The following MYL6 variants were observed in gnomAD, a reference collection of about 807,000 sequenced individuals.
MYL6 encodes the protein myosin light polypeptide 6.
MYL6 carries 20 observed loss-of-function variants against 20.3 expected under a neutral mutation model. The observed-to-expected ratio is 0.98, with a 90% CI of 0.69 to 1.43. The LOEUF (loss-of-function observed/expected upper bound fraction) is 1.43, where lower values mean the gene tolerates loss of function less well. MYL6 is among the 40% of genes most tolerant of loss of function. The pLI is 0.00. For missense variants in MYL6, 164 were observed against 191.0 expected (o/e 0.86, Z 0.83); for synonymous variants, 77 against 72.4 (o/e 1.06, Z -0.32).
intron 6 of MYL6, 139 bp downstream of exon 6, chr12:56,160,809 G>T (rs1871760064): frequency 1.1e-6 from 1 of 951,392 alleles, no homozygotes; most frequent in East Asian, 2.4e-5. Flanking sequence ...GCTGACTAGG[G>T]AGGGGAGGGA....
rs1026472946 is a variant in MYL6, at chr12:56,161,044, C to T, written c.*17-343C>T. The T allele has an allele frequency of 9.0e-5, 51 of 567,146 alleles. No individual in the cohort carries two copies. In the African/African-American group the frequency reaches 9.2e-4, roughly 10 times the overall value. 35.1% of individuals were successfully genotyped at this position (567,146 alleles called of 1,614,324 possible). A position where few individuals can be genotyped will look rare whatever the true frequency, so the allele number is the denominator to read the frequency against. ...TGCTGCTATAGCTGAACAGTCCTTT[C>T]CCCTTCCCTCGCTGGGCAGCTTGGA... On this transcript the variant is annotated intron_variant, in intron 6 of 6. Transcript: ENST00000550697.
At chr12:56,158,764 C>T (rs1592259629) in intron 2 of MYL6, 53 bp downstream of exon 2, 1 of 1,606,270 alleles carries the variant, frequency 6.2e-7, no homozygotes, top group Non-Finnish European at 8.5e-7. Context: ...GGGACACCCT[C>T]CCCCCAGCAC....
In MYL6 at chr12:56,159,671, T is replaced by C. The variant is rs1323853526; in HGVS notation, c.116T>C (p.Leu39Pro). Residue 39 changes from leucine to proline, a missense_variant, in exon 3 of 7, where the codon CTG (leucine) becomes CCG (proline). Coordinates refer to ENST00000550697, the MANE Select transcript of MYL6 (RefSeq NM_021019.5). ...YSQCGDVMRA[L>P]GQNPTNAEVL... ...CAGTGTGGGGATGTGATGAGGGCCC[T>C]GGGCCAGAACCCTACCAACGCCGAG... The C allele has an allele frequency of 6.2e-7, 1 of 1,614,132 alleles. No individual in the cohort carries two copies. Among genetic ancestry groups the C allele is most frequent in the Admixed American group, 1.7e-5 (1 of 60,008 alleles).
intron 2 of MYL6, 27 bp from the exon 3 acceptor site, chr12:56,159,560 T>C (rs767381835): frequency 3.7e-6 from 6 of 1,609,442 alleles, no homozygotes; most frequent in East Asian, 2.2e-5. Flanking sequence ...CCTCAAATCC[T>C]GTGTTGACAT....
intron 6 of MYL6, 124 bp downstream of exon 6, chr12:56,160,794 A>C: frequency 8.9e-7 from 1 of 1,125,886 alleles, no homozygotes; most frequent in Admixed American, 2.0e-5. Flanking sequence ...ATGTTTCTGC[A>C]TGGAGCTGAC....
chr12:56,159,264 A>G (rs76490231), intron 2 of MYL6: 8 of 325,868 alleles, frequency 2.5e-5, no homozygotes, highest in South Asian at 1.7e-4. Context: ...CCACTTCCTT[A>G]TAAGGACAGG....
intron 3 of MYL6, 79 bp from the exon 4 acceptor site, chr12:56,159,891 TGTTCA>T: frequency 6.5e-7 from 1 of 1,531,004 alleles, no homozygotes; most frequent in Non-Finnish European, 8.8e-7. Flanking sequence ...GTCATCTCTC[TGTTCA>T]GTTGAGGTCT....
chr12:56,158,752 G>T (rs1871496404), intron 2 of MYL6, 41 bp downstream of exon 2: 1 of 1,611,564 alleles, frequency 6.2e-7, no homozygotes, highest in African/African-American at 1.3e-5. Flanking sequence ...CCCTTAGGGA[G>T]AGGGACACCC....
chr12:56,160,533 A>G, intron 5 of MYL6, 93 bp from the exon 6 acceptor site: 1 of 1,463,826 alleles, frequency 6.8e-7, no homozygotes, highest in Non-Finnish European at 9.6e-7. Flanking sequence ...AAGGAATGAG[A>G]AGTGAAATAA....
In MYL6 at chr12:56,158,363, T is replaced by C; in HGVS notation, c.-39T>C. On this transcript the variant is annotated 5_prime_UTR_variant, in exon 1 of 7. Transcript: ENST00000550697. The stretch of plus-strand genomic sequence containing the variant: ...AGGGTTGGGCCGAGAGTCGGAGCCA[T>C]TACTGCAGGAAAAGGTCCCGGAGAG... 2 of 1,516,294 alleles carry C rather than the reference T, an allele frequency of 1.3e-6. No individual in the cohort carries two copies. Among genetic ancestry groups the C allele is most frequent in the Non-Finnish European group, 1.8e-6 (2 of 1,135,092 alleles). The allele number at this position is 1,516,294 out of a possible 1,614,324, so 93.9% of individuals were successfully genotyped here.
intron 1 of MYL6, 135 bp downstream of exon 1, chr12:56,158,539 A>T (rs773459739): frequency 6.2e-7 from 1 of 1,611,314 alleles, no homozygotes; most frequent in Non-Finnish European, 8.5e-7. Flanking sequence ...GGGGTTGGAA[A>T]GACTGGGGCC....
At chr12:56,159,905 C>T in intron 3 of MYL6, 70 bp from the exon 4 acceptor site, 2 of 1,542,584 alleles carry the variant, frequency 1.3e-6, no homozygotes, top group Non-Finnish European at 1.7e-6. Flanking sequence ...CAGTTGAGGT[C>T]TCTATAATCC....
At chr12:56,159,044 C>T in intron 2 of MYL6, 2 of 789,412 alleles carry the variant, frequency 2.5e-6, no homozygotes, top group Non-Finnish European at 1.8e-6. Context: ...CTACTTCTGC[C>T]TCTTTTCTCC....
chr12:56,161,004 T>C, intron 6 of MYL6: 1 of 560,344 alleles, frequency 1.8e-6, no homozygotes, highest in Non-Finnish European at 3.2e-6. Flanking sequence ...GGGGTATGGG[T>C]TGCCTGCCCC....
rs1420614054 is a variant in MYL6, at chr12:56,161,531, T to C, written c.*161T>C. 7.7e-7 allele frequency: 1 copy of C among 1,307,172 alleles called. No individual in the cohort carries two copies. The highest frequency in any genetic ancestry group is 1.1e-6 in the Non-Finnish European group (1 of 906,328). The allele number at this position is 1,307,172 out of a possible 1,614,324, so 81.0% of individuals were successfully genotyped here. A position where few individuals can be genotyped will look rare whatever the true frequency, so the allele number is the denominator to read the frequency against. On this transcript the variant is annotated 3_prime_UTR_variant, in exon 7 of 7. Transcript: ENST00000550697. ...ACTTTCCCATCTTGTCTCTCTTGGATGATGTTTGCCGTCAGCATTCACCAA... is the reference window on the plus strand; with the variant it reads ...ACTTTCCCATCTTGTCTCTCTTGGACGATGTTTGCCGTCAGCATTCACCAA...
intron 6 of MYL6, chr12:56,161,056 C>G: frequency 1.8e-6 from 1 of 568,350 alleles, no homozygotes; most frequent in South Asian, 2.1e-5. Context: ...CCTTCCCTCG[C>G]TGGGCAGCTT....
chr12:56,160,482 G>C, intron 5 of MYL6, 144 bp from the exon 6 acceptor site: 2 of 1,406,192 alleles, frequency 1.4e-6, no homozygotes, highest in Non-Finnish European at 2.0e-6. Context: ...GGTCAGGGCG[G>C]TATAACAGGA....
chr12:56,160,457 A>C, intron 5 of MYL6, 137 bp downstream of exon 5: 1 of 1,436,822 alleles, frequency 7.0e-7, no homozygotes. Context: ...TGCCCAGCCC[A>C]GCCCAGGAGT....
At position 56,160,656 on chromosome 12, in the gene MYL6, G is replaced by A. The variant is rs151292633; in HGVS notation, c.*2G>A. 536 of 1,613,930 alleles carry A rather than the reference G, an allele frequency of 3.3e-4. 1 individual carries two copies. Among genetic ancestry groups the A allele is most frequent in the Non-Finnish European group, 3.0e-4 (356 of 1,179,986 alleles). On this transcript the variant is annotated 3_prime_UTR_variant, in exon 6 of 7. Transcript: ENST00000550697. ...GTGAGGCATATCCTGTCGGGGTGAC[G>A]GGCCCATGGGGCGGGTACGGCTCCT...
Sources: allele counts gnomAD v4.1 joint callset, GRCh38; gene constraint gnomAD v4.1.1; transcripts MANE v1.5; gene names NCBI Gene and HGNC (gene_info 2026-07-23, HGNC 2026-07-21).